The following ARNT2 variants were observed in gnomAD, a reference collection of about 807,000 sequenced individuals.
The protein encoded by ARNT2 is aryl hydrocarbon receptor nuclear translocator 2.
ARNT2 carries 36 observed loss-of-function variants against 91.7 expected under a neutral mutation model. That is an observed-to-expected ratio of 0.39 (90% CI 0.30 to 0.52). The LOEUF is 0.52. ARNT2 is among the 20% of genes least tolerant of loss of function. The probability of loss-of-function intolerance (pLI) is 0.72; values close to 1 mark genes in which losing one functional copy is unlikely to be tolerated. For synonymous variants in ARNT2, 365 were observed against 347.1 expected (o/e 1.05, Z -0.57); for missense variants, 775 against 939.3 (o/e 0.83, Z 2.29).
At chr15:80,579,732 G>T (rs117513692) in intron 15 of ARNT2, among the ~76,000 whole-genome samples, 3 of 152,186 alleles carry the variant, frequency 2.0e-5, no homozygotes, top group African/African-American at 2.4e-5. Context: ...TGGAAGAAGC[G>T]CCTGGTGGTA....
Position 80,475,025 on chromosome 15 carries a change from A to G in ARNT2, c.424A>G (p.Ile142Val). The change falls in exon 5 of 19, where the codon ATC becomes GTC. Residue 142 changes from isoleucine to valine, a missense_variant. Physicochemically the swap from Ile to Val is conservative, Grantham distance 29. Coordinates refer to ENST00000303329, the MANE Select transcript of ARNT2 (RefSeq NM_014862.4). ...FLTEQELKHL[I>V]LEAADGFLFV... Reference sequence around the variant, plus strand: ...TTCTTTATAGGAACTGAAGCATCTCATCCTTGAAGCAGCTGATGGATTTCT... The same window carrying G: ...TTCTTTATAGGAACTGAAGCATCTCGTCCTTGAAGCAGCTGATGGATTTCT... The G allele has an allele frequency of 6.2e-7, 1 of 1,613,676 alleles. No homozygotes were observed. The highest frequency in any genetic ancestry group is 8.5e-7 in the Non-Finnish European group (1 of 1,179,638).
intron 11 of ARNT2, among the ~76,000 whole-genome samples, chr15:80,561,225 G>A (rs1898341306): frequency 6.6e-6 from 1 of 152,120 alleles, no homozygotes; most frequent in African/African-American, 2.4e-5. Flanking sequence ...TGATCACAGG[G>A]ACCAAGTCCC....
At chr15:80,468,947 C>CT (rs1363225459) in intron 3 of ARNT2, among the ~76,000 whole-genome samples, 2 of 152,204 alleles carry the variant, frequency 1.3e-5, no homozygotes, top group African/African-American at 2.4e-5. Flanking sequence ...TCAGGGCTGA[C>CT]TGGCACGTCT....
intron 12 of ARNT2, among the ~76,000 whole-genome samples, chr15:80,566,533 C>T (rs950112437): frequency 6.6e-6 from 1 of 152,200 alleles, no homozygotes; most frequent in African/African-American, 2.4e-5. Flanking sequence ...TTCCTGATCT[C>T]GGAGAATCCC....
At chr15:80,579,369 T>C (rs1898749554) in intron 15 of ARNT2, among the ~76,000 whole-genome samples, 1 of 152,196 alleles carries the variant, frequency 6.6e-6, no homozygotes, top group Non-Finnish European at 1.5e-5. Context: ...CTGAACTTGT[T>C]TTACAATGAT....
intron 8 of ARNT2, among the ~76,000 whole-genome samples, chr15:80,535,012 G>T (rs1897797564): frequency 1.3e-5 from 2 of 152,268 alleles, no homozygotes; most frequent in African/African-American, 4.8e-5. Context: ...GAAGATGGTG[G>T]ATCAGCATCC....
chr15:80,546,001 C>T (rs775012810), intron 8 of ARNT2, among the ~76,000 whole-genome samples: 6 of 152,118 alleles, frequency 3.9e-5, no homozygotes, highest in African/African-American at 1.2e-4. Context: ...TCAAGTAAGA[C>T]GTAGGTTTGG....
chr15:80,419,567 G>A lies in ARNT2; in HGVS notation c.31+15021G>A, dbSNP rs141109798. Among the ~76,000 whole-genome samples, 644 of 152,350 alleles carry A rather than the reference G, an allele frequency of 4.2e-3. 4 individuals carry two copies. The highest frequency in any genetic ancestry group is 0.015 in the African/African-American group (610 of 41,574). On this transcript the variant is annotated intron_variant, in intron 1 of 18. Transcript: ENST00000303329. The stretch of plus-strand genomic sequence containing the variant: ...TGCTGAAGAGAAATGAACCAGAGGT[G>A]TTAACTAGGCATCCAGCAGCGTGAG...
At chr15:80,580,619 T>C in intron 16 of ARNT2, 70 bp downstream of exon 16, 1 of 1,598,840 alleles carries the variant, frequency 6.3e-7, no homozygotes, top group Admixed American at 1.7e-5. Flanking sequence ...AGTGTTTTCT[T>C]TGGATTGCGG....
intron 3 of ARNT2, among the ~76,000 whole-genome samples, chr15:80,464,918 C>T (rs1271147893): frequency 2.0e-5 from 3 of 152,194 alleles, no homozygotes; most frequent in Non-Finnish European, 4.4e-5. Flanking sequence ...TGTAGACCCC[C>T]ACGCAGCCAC....
At position 80,570,424 on chromosome 15, in the gene ARNT2, C is replaced by T. The variant is rs189079209; in HGVS notation, c.1317-3724C>T. On this transcript the variant is annotated intron_variant, in intron 12 of 18. Coordinates refer to ENST00000303329, the MANE Select transcript of ARNT2 (RefSeq NM_014862.4). ...ACATTAAGTGGAAGGTGACGGTGCCCCCAAGGTGTGAATCAAAGCAAAACA... is the reference window on the plus strand; with the variant it reads ...ACATTAAGTGGAAGGTGACGGTGCCTCCAAGGTGTGAATCAAAGCAAAACA... Among the ~76,000 whole-genome samples the T allele has an allele frequency of 3.9e-5, 6 of 152,128 alleles. No individual in the cohort carries two copies. In the East Asian group the frequency reaches 1.2e-3, roughly 29 times the overall value.
intron 18 of ARNT2, among the ~76,000 whole-genome samples, chr15:80,592,852 C>T (rs187348270): frequency 2.0e-5 from 3 of 152,328 alleles, no homozygotes; most frequent in African/African-American, 4.8e-5. Context: ...AATAAGCTTA[C>T]GAAAAACTGG....
At chr15:80,516,207 T>C (rs1897431952) in intron 8 of ARNT2, among the ~76,000 whole-genome samples, 1 of 152,176 alleles carries the variant, frequency 6.6e-6, no homozygotes, top group Admixed American at 6.5e-5. Context: ...TTGATCAAGA[T>C]GATTGATAGT....
In ARNT2 at chr15:80,575,000, A is replaced by G. The variant is rs567015889; in HGVS notation, c.1403A>G (p.Asn468Ser). 20 of 1,614,102 alleles carry G rather than the reference A, an allele frequency of 1.2e-5. No individual in the cohort carries two copies. The highest frequency in any genetic ancestry group is 6.7e-5 in the African/African-American group (5 of 75,036). The part of the protein sequence containing the change: ...SYDLSQVPVP[N>S]LPAGVHEAGK... ...ATGTGCAAATAGGTCCCCGTCCCCA[A>G]CCTACCAGCCGGTGTTCATGAGGCC... The change falls in exon 14 of 19, where the codon AAC becomes AGC. Residue 468 changes from asparagine to serine, a missense_variant. Transcript: ENST00000303329.
chr15:80,423,009 A>G (rs141199561), intron 1 of ARNT2, among the ~76,000 whole-genome samples: 2 of 152,330 alleles, frequency 1.3e-5, no homozygotes, highest in Non-Finnish European at 2.9e-5. Flanking sequence ...ACTTTATATT[A>G]TGTAGTTAAA....
At chr15:80,440,594 C>A (rs931619920) in intron 1 of ARNT2, among the ~76,000 whole-genome samples, 3 of 152,170 alleles carry the variant, frequency 2.0e-5, no homozygotes, top group African/African-American at 7.2e-5. Flanking sequence ...CCTGAGCCAG[C>A]ACTGTTAGCT....
Position 80,591,775 on chromosome 15 carries a change from C to A in ARNT2, c.2055+71C>A. The A allele has an allele frequency of 6.3e-7, 1 of 1,592,300 alleles. No homozygotes were observed. Among genetic ancestry groups the A allele is most frequent in the Non-Finnish European group, 8.6e-7 (1 of 1,165,936 alleles). ...CTCTGCTTCCTTTCCCCCTCGGTCT[C>A]TGCCGCACCACCGCCTGCCCGATAG... is the stretch of plus-strand genomic sequence containing the variant. On this transcript the variant is annotated intron_variant, in intron 18 of 18. Coordinates refer to ENST00000303329, the MANE Select transcript of ARNT2 (RefSeq NM_014862.4). This position sits in a 1 kb window ranked among gnomAD's most constrained non-coding sequence, Gnocchi z 5.1.
chr15:80,507,223 T>A (rs1897287891), intron 5 of ARNT2, among the ~76,000 whole-genome samples: 1 of 152,040 alleles, frequency 6.6e-6, no homozygotes, highest in Non-Finnish European at 1.5e-5. Flanking sequence ...AATAGCCACG[T>A]GGGAGGAGGT....
chr15:80,546,141 T>G (rs1897986496), intron 8 of ARNT2, among the ~76,000 whole-genome samples: 1 of 152,172 alleles, frequency 6.6e-6, no homozygotes, highest in Non-Finnish European at 1.5e-5. Flanking sequence ...ATCAGGGCCT[T>G]AAATAAATCT....
Sources: allele counts gnomAD v4.1 joint callset (sites outside exome capture counted in the v4.1 genomes callset), GRCh38; gene constraint gnomAD v4.1.1; non-coding constraint Gnocchi (gnomAD v3.1); transcripts MANE v1.5; gene names NCBI Gene and HGNC (gene_info 2026-07-23, HGNC 2026-07-21).